RNF14: variants seen among roughly 807,000 people sequenced by gnomAD.
RNF14 encodes the protein ring finger protein 14, also known as E3 ubiquitin-protein ligase RNF14.
In RNF14, 26 loss-of-function variants were observed where a neutral mutation model predicts 52.6. The ratio of observed to expected loss-of-function variants is 0.49; its 90% CI spans 0.36 to 0.69. RNF14 has a LOEUF of 0.69. Ranked by LOEUF, RNF14 falls within the 30% of genes least tolerant of loss-of-function variation. The probability of loss-of-function intolerance (pLI) is 0.00; values close to 1 mark genes in which losing one functional copy is unlikely to be tolerated. For synonymous variants in RNF14, 194 were observed against 202.0 expected, an observed-to-expected ratio of 0.96 and a Z score of 0.34; for missense variants, 404 against 560.4, an observed-to-expected ratio of 0.72 and a Z score of 2.82.
At chr5:141,980,420 G>A (rs1283807193) in intron 6 of RNF14, 69 bp downstream of exon 6, 3 of 1,120,522 alleles carry the variant, frequency 2.7e-6, no homozygotes, top group South Asian at 2.6e-5. Context: ...TACTACCAGG[G>A]CCTTATGACT....
At chr5:141,986,495 C>A (rs1331886120) in intron 8 of RNF14, among the ~76,000 whole-genome samples, 1 of 152,164 alleles carries the variant, frequency 6.6e-6, no homozygotes, top group Non-Finnish European at 1.5e-5. Flanking sequence ...GTTTAAATTG[C>A]CTGACTTCCC....
intron 5 of RNF14, 87 bp downstream of exon 5, chr5:141,978,917 T>G: frequency 1.4e-6 from 2 of 1,451,656 alleles, no homozygotes. Context: ...ATAGGGCTCA[T>G]GGGGCAGTCC....
upstream of RNF14, chr5:141,955,411 G>T (rs1477806351): frequency 1.1e-5 from 17 of 1,613,868 alleles, no homozygotes; most frequent in Non-Finnish European, 1.4e-5. This position sits in a 1 kb window ranked among gnomAD's most constrained non-coding sequence, Gnocchi z 5.5. Context: ...GTGGAAGGGG[G>T]CCTGCAGGCA....
upstream of RNF14, among the ~76,000 whole-genome samples, chr5:141,954,515 A>T (rs569290579): frequency 6.6e-6 from 1 of 152,204 alleles, no homozygotes; most frequent in Non-Finnish European, 1.5e-5. Flanking sequence ...GGGTGGTGTT[A>T]ACATAGACAT....
chr5:141,955,240 G>A, upstream of RNF14: 2 of 1,614,256 alleles, frequency 1.2e-6, no homozygotes, highest in Non-Finnish European at 1.7e-6. The surrounding 1 kb of genome is among the most constrained non-coding windows in gnomAD (Gnocchi z 5.5). Flanking sequence ...CTGGCCTGTG[G>A]CAGGCTGGGG....
At chr5:141,953,488 T>C (rs1247943997), upstream of RNF14, 1 of 151,758 alleles carries the variant, frequency 6.6e-6, no homozygotes, top group Non-Finnish European at 1.5e-5. Context: ...TACACAGAAA[T>C]TAGTGGGAGG....
upstream of RNF14, chr5:141,954,824 G>T: frequency 9.4e-7 from 1 of 1,058,608 alleles, no homozygotes; most frequent in Non-Finnish European, 1.4e-6. Context: ...ACAAAGCTGT[G>T]CCCTGAACCA....
Position 141,988,526 on chromosome 5 carries a change from C to T in RNF14, c.*736C>T, listed in dbSNP as rs407749. Reference sequence around the variant, plus strand: ...CAGAAGAATTTAAGTTCTATTCAGCCTTCCTGGGTGTTAGAACCTAGATTC... The same window carrying T: ...CAGAAGAATTTAAGTTCTATTCAGCTTTCCTGGGTGTTAGAACCTAGATTC... On this transcript the variant is annotated 3_prime_UTR_variant, in exon 9 of 9. Transcript: ENST00000394520. 133,210 of 152,312 alleles carry T rather than the reference C, an allele frequency of 0.87. 58,434 individuals carry two copies. Among genetic ancestry groups the T allele is most frequent in the East Asian group, 0.98 (5,208 of 5,324 alleles). 9.4% of individuals were successfully genotyped at this position (152,312 alleles called of 1,614,324 possible). A position where few individuals can be genotyped will look rare whatever the true frequency, so the allele number is the denominator to read the frequency against.
Position 141,978,559 on chromosome 5 carries a change from T to C in RNF14, c.563T>C (p.Val188Ala), listed in dbSNP as rs1463231911. The C allele has an allele frequency of 1.2e-6, 2 of 1,614,144 alleles. No homozygotes were observed. Among genetic ancestry groups the C allele is most frequent in the South Asian group, 2.2e-5 (2 of 91,080 alleles). The change falls in exon 5 of 9, where the codon GTG (valine) becomes GCG (alanine). Residue 188 changes from valine to alanine, a missense_variant. Val to Ala is a moderately conservative substitution (Grantham distance 64). Transcript: ENST00000394520. ...DQEEIVDERA[V>A]QDVESLSNLI... is the part of the protein sequence containing the mutation. ...GAGGAAATTGTGGATGAGAGAGCAG[T>C]GCAGGATGTGGAATCACTGTCAAAT...
At position 141,989,258 on chromosome 5, in the gene RNF14, ATATTCT is replaced by A. The variant is rs1367563190; in HGVS notation, c.*1471_*1476del. 4 of 152,450 alleles carry A rather than the reference ATATTCT, an allele frequency of 2.6e-5. No individual in the cohort carries two copies. Among genetic ancestry groups the A allele is most frequent in the African/African-American group, 9.6e-5 (4 of 41,570 alleles). 9.4% of individuals were successfully genotyped at this position (152,450 alleles called of 1,614,324 possible). ...ATTTTAAAACTGTTCGGCATATAAC[ATATTCT>A]TAAAGTAAGAAAAAAAAGGTCACAG... On this transcript the variant is annotated 3_prime_UTR_variant, in exon 9 of 9. Transcript: ENST00000394520.
chr5:141,976,257 C>T (rs1013506234), intron 4 of RNF14, among the ~76,000 whole-genome samples: 1 of 152,228 alleles, frequency 6.6e-6, no homozygotes, highest in Non-Finnish European at 1.5e-5. Context: ...TTTAGATCTT[C>T]ATAGTCCTAT....
At chr5:141,955,347 C>T (rs538775199), upstream of RNF14, 41 of 1,614,138 alleles carry the variant, frequency 2.5e-5, 2 homozygotes, top group South Asian at 3.0e-4. This position sits in a 1 kb window ranked among gnomAD's most constrained non-coding sequence, Gnocchi z 5.5. Flanking sequence ...GGCTCTCCGC[C>T]GGTGCTCCCT....
rs1341605611 is a variant in RNF14 at position 141,970,883 on chromosome 5, AACTG to A, written c.-7+9_-7+12del. The A allele has an allele frequency of 1.3e-5, 2 of 152,468 alleles. No homozygotes were observed. Among genetic ancestry groups the A allele is most frequent in the East Asian group, 1.9e-4 (1 of 5,328 alleles). The allele number at this position is 152,468 out of a possible 1,614,324, so 9.4% of individuals were successfully genotyped here. ...CTTCTGATTGTTATTAACAGGTACTAACTGACCTCAAGTAGAACATGTAATTGTG... is the reference window on the plus strand; with the variant it reads ...CTTCTGATTGTTATTAACAGGTACTAACCTCAAGTAGAACATGTAATTGTG... On this transcript the variant is annotated splice_region_variant and intron_variant, in intron 2 of 8. Coordinates refer to ENST00000394520, the MANE Select transcript of RNF14 (RefSeq NM_004290.5).
At chr5:141,964,775 G>C (rs1038698883), upstream of RNF14, among the ~76,000 whole-genome samples, 3 of 102,872 alleles carry the variant, frequency 2.9e-5, no homozygotes, top group Admixed American at 2.5e-4. Context: ...CACCAAGCCC[G>C]GCTAATTTTT....
At chr5:141,964,173 CCTGGG>C (rs1753298430), upstream of RNF14, among the ~76,000 whole-genome samples, 1 of 152,130 alleles carries the variant, frequency 6.6e-6, no homozygotes, top group Admixed American at 6.5e-5. Context: ...TTTATATAAC[CCTGGG>C]CTGACCTGAC....
chr5:141,950,194 A>C, the RNF14 span, among the ~76,000 whole-genome samples: 1 of 152,238 alleles, frequency 6.6e-6, no homozygotes, highest in Admixed American at 6.5e-5. Flanking sequence ...AGCTGCTCAG[A>C]ATCTGCTACC....
intron 1 of RNF14, among the ~76,000 whole-genome samples, chr5:141,959,784 C>T (rs747489410): frequency 6.6e-6 from 1 of 152,168 alleles, no homozygotes; most frequent in Non-Finnish European, 1.5e-5. Context: ...CCAGGGCCAC[C>T]TCCTACAGCA....
upstream of RNF14, among the ~76,000 whole-genome samples, chr5:141,966,315 T>C (rs1190382147): frequency 1.3e-5 from 2 of 152,162 alleles, no homozygotes; most frequent in East Asian, 3.9e-4. Flanking sequence ...CAAAGTATAA[T>C]ACACCTGACT....
At chr5:141,971,561 CTTT>C (rs137979363) in intron 2 of RNF14, among the ~76,000 whole-genome samples, 1 of 31,970 alleles carries the variant, frequency 3.1e-5, no homozygotes, top group Non-Finnish European at 5.9e-5. Context: ...TAGCTAATTT[CTTT>C]TTCTTTCTTT....
Sources: gnomAD v4.1 joint callset for allele counts (sites outside exome capture counted in the v4.1 genomes callset) on GRCh38, gnomAD v4.1.1 for gene constraint, Gnocchi (gnomAD v3.1) non-coding constraint, MANE v1.5 for transcripts, NCBI Gene and HGNC (gene_info 2026-07-23, HGNC 2026-07-21) for gene names.